The following RBM33 variants were observed in gnomAD, a reference collection of about 807,000 sequenced individuals.
The protein encoded by RBM33 is RNA binding motif protein 33, also known as RNA-binding protein 33.
RBM33 carries 28 observed loss-of-function variants against 132.6 expected under a neutral mutation model. The observed-to-expected ratio is 0.21, with a 90% CI of 0.16 to 0.29. RBM33 has a LOEUF of 0.29. RBM33 is among the 10% of genes least tolerant of loss of function. RBM33 has a pLI of 1.00. For synonymous variants in RBM33, 634 were observed against 593.0 expected, an observed-to-expected ratio of 1.07 and a Z score of -1.01; for missense variants, 1,291 against 1,518.5, an observed-to-expected ratio of 0.85 and a Z score of 2.49.
At chr7:155,648,878 C>G (rs1480536498) in intron 1 of RBM33, among the ~76,000 whole-genome samples, 1 of 152,146 alleles carries the variant, frequency 6.6e-6, no homozygotes, top group African/African-American at 2.4e-5. Context: ...GACTGTTAAT[C>G]TTATGGAGGA....
intron 5 of RBM33, among the ~76,000 whole-genome samples, chr7:155,690,864 T>C (rs1333001210): frequency 6.6e-6 from 1 of 152,242 alleles, no homozygotes; most frequent in African/African-American, 2.4e-5. Flanking sequence ...CTTCCCTTTG[T>C]GGGTAACCCG....
intron 3 of RBM33, among the ~76,000 whole-genome samples, chr7:155,674,335 A>G (rs773839362): frequency 6.6e-6 from 1 of 152,004 alleles, no homozygotes; most frequent in Non-Finnish European, 1.5e-5. Flanking sequence ...TCCTGTTTTT[A>G]TACTCTATTG....
At chr7:155,752,723 A>G (rs1451588457) in intron 14 of RBM33, among the ~76,000 whole-genome samples, 1 of 152,312 alleles carries the variant, frequency 6.6e-6, no homozygotes, top group Non-Finnish European at 1.5e-5. Flanking sequence ...GGTTGGGGTT[A>G]GAATTTGCTA....
intron 1 of RBM33, among the ~76,000 whole-genome samples, chr7:155,648,247 G>T (rs1011719304): frequency 5.3e-5 from 8 of 152,118 alleles, no homozygotes; most frequent in Non-Finnish European, 1.2e-4. Context: ...ATCCTAGGCT[G>T]GTAAAATTTT....
At chr7:155,718,082 G>C (rs1270707829) in intron 8 of RBM33, among the ~76,000 whole-genome samples, 1 of 152,038 alleles carries the variant, frequency 6.6e-6, no homozygotes, top group Non-Finnish European at 1.5e-5. Flanking sequence ...AAACAAACTA[G>C]GTTTTTTATT....
chr7:155,743,328 AG>A (rs1318612523), intron 13 of RBM33, among the ~76,000 whole-genome samples: 3 of 152,246 alleles, frequency 2.0e-5, no homozygotes, highest in Non-Finnish European at 4.4e-5. Flanking sequence ...GATTTGGTTC[AG>A]AAAAATGAAG....
In RBM33 at chr7:155,697,572, A is replaced by G. The variant is rs73167131; in HGVS notation, c.568-3201A>G. On this transcript the variant is annotated intron_variant, in intron 5 of 17. Transcript: ENST00000401878. ...TCTTTTGCACTCTCTCTCTCTCTAT[A>G]TATATAGATTTGTGTGTGTGTGTGT... is the stretch of plus-strand genomic sequence containing the variant. Among the ~76,000 whole-genome samples the G allele has an allele frequency of 7.4e-3, 1,126 of 152,038 alleles. 13 individuals carry two copies. Among genetic ancestry groups the G allele is most frequent in the Non-Finnish European group, 0.012 (796 of 67,970 alleles).
chr7:155,733,312 A>C (rs2117016329), intron 9 of RBM33, among the ~76,000 whole-genome samples: 1 of 152,284 alleles, frequency 6.6e-6, no homozygotes, highest in East Asian at 1.9e-4. Context: ...TTCTTATTAT[A>C]TGGGTTGAAA....
chr7:155,729,621 C>T (rs186451764), intron 9 of RBM33, among the ~76,000 whole-genome samples: 42 of 151,640 alleles, frequency 2.8e-4, no homozygotes, highest in East Asian at 9.7e-4. Flanking sequence ...CCTGTAGTCC[C>T]GGGTTCTCTG....
In RBM33 at chr7:155,700,832, A is replaced by C. The variant is rs1007460408; in HGVS notation, c.627A>C (p.Glu209Asp). ...KDIKEESDEE[E>D]EDDEESGRLR... ...TCAAAGAAGAATCAGATGAAGAAGA[A>C]GAAGATGATGAAGAATCTGGACGAT... is the stretch of plus-strand genomic sequence containing the variant. Residue 209 changes from glutamate to aspartate, a missense_variant, in exon 6 of 18, where the codon GAA (glutamate) becomes GAC (aspartate). Transcript: ENST00000401878. 6.2e-7 allele frequency: 1 copy of C among 1,603,662 alleles called. No homozygotes were observed. Among genetic ancestry groups the C allele is most frequent in the Non-Finnish European group, 8.5e-7 (1 of 1,174,580 alleles).
intron 6 of RBM33, among the ~76,000 whole-genome samples, chr7:155,706,542 T>A (rs1800118904): frequency 6.6e-6 from 1 of 152,120 alleles, no homozygotes; most frequent in Non-Finnish European, 1.5e-5. Context: ...GTGAGGGCAG[T>A]GGCTACGTTT....
chr7:155,681,983 C>T (rs569520450), intron 5 of RBM33, among the ~76,000 whole-genome samples: 11 of 150,548 alleles, frequency 7.3e-5, no homozygotes, highest in South Asian at 6.4e-4. Context: ...TGCAGTGGTG[C>T]GATCTCCACT....
intron 5 of RBM33, among the ~76,000 whole-genome samples, chr7:155,699,212 T>G (rs996300811): frequency 2.9e-4 from 44 of 152,222 alleles, no homozygotes; most frequent in African/African-American, 8.2e-4. Flanking sequence ...GGTAGTGATT[T>G]CTTTTCCTCC....
chr7:155,741,888 A>G lies in RBM33; in HGVS notation c.2119A>G (p.Asn707Asp), dbSNP rs769919589. The G allele has an allele frequency of 6.2e-7, 1 of 1,614,052 alleles. No individual in the cohort carries two copies. Among genetic ancestry groups the G allele is most frequent in the Non-Finnish European group, 8.5e-7 (1 of 1,179,890 alleles). Residue 707 changes from asparagine to aspartate, a missense_variant, in exon 13 of 18, where the codon AAT becomes GAT. Coordinates refer to ENST00000401878, the MANE Select transcript of RBM33 (RefSeq NM_053043.3). ...GCAGCCCACTGCGCCAAGGAACAGC[A>G]ATTTGCGTGAATTACCCATAGCGCC... Reference protein sequence around the residue: ...QMQPTAPRNSNLRELPIAPSH... With the variant: ...QMQPTAPRNSDLRELPIAPSH...
At chr7:155,747,918 A>G (rs949293970) in intron 14 of RBM33, among the ~76,000 whole-genome samples, 3 of 152,218 alleles carry the variant, frequency 2.0e-5, no homozygotes, top group Non-Finnish European at 4.4e-5. Flanking sequence ...ATGGTGGTTA[A>G]TTGCAAATTG....
chr7:155,710,644 G>A (rs1478154863), intron 7 of RBM33, among the ~76,000 whole-genome samples: 1 of 152,080 alleles, frequency 6.6e-6, no homozygotes, highest in African/African-American at 2.4e-5. Context: ...ACTCTGCCTT[G>A]CACCTCTCTC....
chr7:155,685,311 C>T (rs575480955), intron 5 of RBM33, among the ~76,000 whole-genome samples: 9 of 152,052 alleles, frequency 5.9e-5, no homozygotes, highest in South Asian at 2.1e-4. Context: ...AGAAATGTGA[C>T]GTATATGTTA....
chr7:155,657,263 G>A (rs566172579), intron 1 of RBM33, among the ~76,000 whole-genome samples: 2 of 152,234 alleles, frequency 1.3e-5, no homozygotes, highest in South Asian at 2.1e-4. Context: ...TAGCACGATG[G>A]CAGTTAAATT....
chr7:155,731,220 T>A (rs1800946849), intron 9 of RBM33, among the ~76,000 whole-genome samples: 1 of 152,098 alleles, frequency 6.6e-6, no homozygotes, highest in Non-Finnish European at 1.5e-5. Context: ...AGCTGCCTGA[T>A]GGAAGGTAGG....
Sources: allele counts gnomAD v4.1 joint callset (sites outside exome capture counted in the v4.1 genomes callset), GRCh38; gene constraint gnomAD v4.1.1; transcripts MANE v1.5; gene names NCBI Gene and HGNC (gene_info 2026-07-23, HGNC 2026-07-21).